The following FKBP1B variants were observed in gnomAD, a reference collection of about 807,000 sequenced individuals.
FKBP1B encodes the protein peptidyl-prolyl cis-trans isomerase FKBP1B.
A neutral mutation model predicts 13.5 loss-of-function variants in FKBP1B; 4 were observed. The ratio of observed to expected loss-of-function variants is 0.30; its 90% CI spans 0.15 to 0.68. FKBP1B has a LOEUF of 0.68. FKBP1B is among the 30% of genes least tolerant of loss of function. The pLI is 0.76. For missense variants in FKBP1B, 93 were observed against 136.2 expected (o/e 0.68, Z 1.58); for synonymous variants, 54 against 53.6 (o/e 1.01, Z -0.03).
chr2:24,038,001 T>C, the FKBP1B span: 1 of 1,614,192 alleles, frequency 6.2e-7, no homozygotes, highest in African/African-American at 1.3e-5. Flanking sequence ...GACTCTGGAT[T>C]TCTTTAATAA....
In FKBP1B at chr2:24,050,762, G is replaced by A. The variant is rs936667343; in HGVS notation, c.37+876G>A. 6.6e-6 allele frequency among the ~76,000 whole-genome samples: 1 copy of A among 152,190 alleles called. No individual in the cohort carries two copies. Among genetic ancestry groups the A allele is most frequent in the African/African-American group, 2.4e-5 (1 of 41,430 alleles). On this transcript the variant is annotated intron_variant, in intron 1 of 3. Coordinates refer to ENST00000380986, the MANE Select transcript of FKBP1B (RefSeq NM_004116.5). The surrounding 1 kb of genome is among the most constrained non-coding windows in gnomAD (Gnocchi z 5.8). Reference sequence around the variant, plus strand: ...GGTTTGATGGGCAAACTTCATATCAGATATTATTAATATGAACAGCTCCCC... The same window carrying A: ...GGTTTGATGGGCAAACTTCATATCAAATATTATTAATATGAACAGCTCCCC...
intron 1 of FKBP1B, among the ~76,000 whole-genome samples, 197 bp from the exon 2 acceptor site, chr2:24,053,705 G>T (rs1271905007): frequency 6.6e-6 from 1 of 151,906 alleles, no homozygotes; most frequent in Non-Finnish European, 1.5e-5. Flanking sequence ...AAATTGAGGG[G>T]GTAAAGTAAA....
chr2:24,044,616 A>G, the FKBP1B span, among the ~76,000 whole-genome samples: 2 of 152,146 alleles, frequency 1.3e-5, no homozygotes, highest in Non-Finnish European at 2.9e-5. Flanking sequence ...CATCTTCGGT[A>G]ACAAGAAGAA....
At chr2:24,038,397 G>A in the FKBP1B span, 3 of 1,614,200 alleles carry the variant, frequency 1.9e-6, no homozygotes, top group South Asian at 2.2e-5. Context: ...TGACAGAGTA[G>A]ATCAAAATTA....
upstream of FKBP1B, among the ~76,000 whole-genome samples, chr2:24,045,619 A>AAAAG (rs1553318635): frequency 1.1e-5 from 1 of 87,844 alleles, no homozygotes; most frequent in African/African-American, 5.4e-5. Context: ...AAAAAAAAAA[A>AAAAG]AGAGAGAGAG....
At chr2:24,043,718 T>C in the FKBP1B span, among the ~76,000 whole-genome samples, 2 of 152,192 alleles carry the variant, frequency 1.3e-5, no homozygotes, top group African/African-American at 2.4e-5. Flanking sequence ...CTAAATGACA[T>C]TTTTCAGCCT....
At chr2:24,049,976 G>A in intron 1 of FKBP1B, 90 bp downstream of exon 1, 2 of 1,089,982 alleles carry the variant, frequency 1.8e-6, no homozygotes, top group Admixed American at 3.9e-5. Flanking sequence ...GGCGTGGAGG[G>A]TGCTGAAGGG....
chr2:24,045,461 C>T (rs371899269), upstream of FKBP1B, among the ~76,000 whole-genome samples: 32 of 151,888 alleles, frequency 2.1e-4, no homozygotes, highest in South Asian at 4.2e-3. Flanking sequence ...ATTAGCTGGG[C>T]GTGGTGGTGT....
chr2:24,055,304 G>A (rs530801290), intron 2 of FKBP1B, among the ~76,000 whole-genome samples: 5 of 151,112 alleles, frequency 3.3e-5, no homozygotes, highest in South Asian at 4.2e-4. Context: ...TCGACCTCTC[G>A]GGCTCAAGTG....
At chr2:24,038,986 C>T in the FKBP1B span, 1 of 1,614,194 alleles carries the variant, frequency 6.2e-7, no homozygotes, top group Middle Eastern at 1.6e-4. Flanking sequence ...CACCACCAGC[C>T]TCAGGCCATC....
the FKBP1B span, among the ~76,000 whole-genome samples, chr2:24,042,017 G>T: frequency 6.6e-6 from 1 of 152,070 alleles, no homozygotes. Context: ...ATTATATTTT[G>T]AAATACTATC....
At chr2:24,060,141 T>G (rs905506199) in intron 2 of FKBP1B, among the ~76,000 whole-genome samples, 1 of 150,988 alleles carries the variant, frequency 6.6e-6, no homozygotes, top group Non-Finnish European at 1.5e-5. Flanking sequence ...AAAAAATCAG[T>G]CTGGATGCCA....
At chr2:24,051,952 G>A (rs1403487920) in intron 1 of FKBP1B, among the ~76,000 whole-genome samples, 1 of 152,096 alleles carries the variant, frequency 6.6e-6, no homozygotes, top group East Asian at 1.9e-4. Flanking sequence ...TGTCTAATAG[G>A]CATCTCAAGA....
chr2:24,061,007 A>T, intron 3 of FKBP1B, 81 bp downstream of exon 3: 2 of 1,002,824 alleles, frequency 2.0e-6, no homozygotes, highest in Non-Finnish European at 1.5e-6. Context: ...CTCCACCTTC[A>T]CCCACTCACA....
chr2:24,034,961 T>C, the FKBP1B span, among the ~76,000 whole-genome samples: 20 of 151,920 alleles, frequency 1.3e-4, no homozygotes, highest in African/African-American at 3.9e-4. Context: ...TATTATTGTT[T>C]GCAAGTAAAA....
intron 3 of FKBP1B, among the ~76,000 whole-genome samples, chr2:24,062,148 C>A (rs748547612): frequency 6.6e-6 from 1 of 151,830 alleles, no homozygotes; most frequent in Admixed American, 6.6e-5. Flanking sequence ...TGCGAGCCAC[C>A]GTGCCCGGCC....
In FKBP1B at chr2:24,050,292, C is replaced by G. The variant is rs1663804917; in HGVS notation, c.37+406C>G. ...GACCTGCTCTCGGATACCCGCTGCT[C>G]GGGGACCTCCTCCTAGCGCGTCCCC... On this transcript the variant is annotated intron_variant, in intron 1 of 3. Transcript: ENST00000380986. The surrounding 1 kb of genome is among the most constrained non-coding windows in gnomAD (Gnocchi z 5.8). Among the ~76,000 whole-genome samples, 1 of 152,182 alleles carries G rather than the reference C, an allele frequency of 6.6e-6. No homozygotes were observed. The highest frequency in any genetic ancestry group is 1.5e-5 in the Non-Finnish European group (1 of 68,016).
intron 2 of FKBP1B, among the ~76,000 whole-genome samples, chr2:24,059,894 CA>C (rs10679224): frequency 0.18 from 8,956 of 49,626 alleles, 138 homozygotes; most frequent in African/African-American, 0.27. Context: ...GACTCCGACT[CA>C]AAAAAAAAAA....
intron 2 of FKBP1B, among the ~76,000 whole-genome samples, chr2:24,059,377 G>GA (rs942619747): frequency 6.6e-6 from 1 of 151,392 alleles, no homozygotes; most frequent in Non-Finnish European, 1.5e-5. Flanking sequence ...GCACCTGGGG[G>GA]GGGGTTCTGG....
Sources: allele counts gnomAD v4.1 joint callset (sites outside exome capture counted in the v4.1 genomes callset), GRCh38; gene constraint gnomAD v4.1.1; non-coding constraint Gnocchi (gnomAD v3.1); transcripts MANE v1.5; gene names NCBI Gene and HGNC (gene_info 2026-07-23, HGNC 2026-07-21).